CYTIP: variants seen among roughly 807,000 people sequenced by gnomAD.
The protein encoded by CYTIP is cytohesin-interacting protein.
CYTIP carries 26 observed loss-of-function variants against 43.8 expected under a neutral mutation model. That is an observed-to-expected ratio of 0.59 (90% CI 0.44 to 0.82). The LOEUF is 0.82. CYTIP is among the 40% of genes least tolerant of loss of function. The pLI, the probability that CYTIP is intolerant of heterozygous loss-of-function variation, is 0.00. For missense variants in CYTIP, 426 were observed against 443.1 expected, an observed-to-expected ratio of 0.96 and a Z score of 0.35; for synonymous variants, 162 against 162.9, an observed-to-expected ratio of 0.99 and a Z score of 0.04.
intron 6 of CYTIP, among the ~76,000 whole-genome samples, chr2:157,423,738 A>G (rs1685559633): frequency 6.6e-6 from 1 of 152,148 alleles, no homozygotes; most frequent in Admixed American, 6.5e-5. Flanking sequence ...CCTAAATACA[A>G]TATTAGCAAA....
chr2:157,438,257 G>C (rs1431642374), intron 1 of CYTIP, among the ~76,000 whole-genome samples: 1 of 152,200 alleles, frequency 6.6e-6, no homozygotes, highest in Non-Finnish European at 1.5e-5. Flanking sequence ...ATTATGTTAA[G>C]TGAGATAAGC....
At chr2:157,435,290 G>A (rs553339473) in intron 1 of CYTIP, among the ~76,000 whole-genome samples, 5 of 152,112 alleles carry the variant, frequency 3.3e-5, no homozygotes, top group African/African-American at 9.6e-5. Flanking sequence ...AATTCAATAC[G>A]TTACTGTTTT....
intron 1 of CYTIP, among the ~76,000 whole-genome samples, chr2:157,443,123 A>G (rs779657746): frequency 6.6e-6 from 1 of 152,242 alleles, no homozygotes; most frequent in Non-Finnish European, 1.5e-5. Context: ...AAAATGGCAT[A>G]ATCTAGCATT....
intron 6 of CYTIP, among the ~76,000 whole-genome samples, chr2:157,425,722 G>A (rs1685594402): frequency 6.6e-6 from 1 of 151,972 alleles, no homozygotes; most frequent in South Asian, 2.1e-4. Context: ...TCTAAGAAAA[G>A]GTGAAAAAGT....
intron 7 of CYTIP, 97 bp from the exon 8 acceptor site, chr2:157,416,240 G>T: frequency 9.7e-7 from 1 of 1,026,250 alleles, no homozygotes; most frequent in Non-Finnish European, 1.4e-6. Flanking sequence ...ACGAGAAAGA[G>T]TAAGGGTGAA....
At chr2:157,427,570 C>T (rs762116486) in intron 5 of CYTIP, 150 bp from the exon 6 acceptor site, 1 of 489,232 alleles carries the variant, frequency 2.0e-6, no homozygotes, top group Non-Finnish European at 3.4e-6. Flanking sequence ...CATGGCACTT[C>T]GAGTAGCTGG....
intron 7 of CYTIP, among the ~76,000 whole-genome samples, chr2:157,417,876 G>C (rs1455789131): frequency 2.6e-5 from 4 of 152,128 alleles, no homozygotes; most frequent in African/African-American, 9.7e-5. Context: ...TCACACCCAC[G>C]TAGTGGTTTC....
Position 157,415,695 on chromosome 2 carries a change from C to G in CYTIP, c.1062G>C (p.Glu354Asp), listed in dbSNP as rs755238343. 2 of 1,609,556 alleles carry G rather than the reference C, an allele frequency of 1.2e-6. No homozygotes were observed. Among genetic ancestry groups the G allele is most frequent in the South Asian group, 2.2e-5 (2 of 90,664 alleles). Residue 354 changes from glutamate to aspartate, a missense_variant, in exon 8 of 8, where the codon GAG becomes GAC. Physicochemically the swap from Glu to Asp is conservative, Grantham distance 45 (BLOSUM62 2). Transcript: ENST00000264192. ...CAATCCGTCAAAAGCGACTTTCTTC[C>G]TCTTCCACAGCACGATGAAGGCCAG... ...FIPGLHRAVE[E>D]EESRF
At chr2:157,437,677 C>T (rs547348450) in intron 1 of CYTIP, among the ~76,000 whole-genome samples, 43 of 128,718 alleles carry the variant, frequency 3.3e-4, no homozygotes, top group Middle Eastern at 0.011. Context: ...TCCAGCCTGG[C>T]GACAGAGTGA....
intron 3 of CYTIP, among the ~76,000 whole-genome samples, chr2:157,433,727 G>A (rs558610938): frequency 6.6e-6 from 1 of 152,150 alleles, no homozygotes; most frequent in Non-Finnish European, 1.5e-5. Flanking sequence ...AAATTCTTAG[G>A]CAATTATGCT....
chr2:157,417,273 G>A (rs1685452748), intron 7 of CYTIP, among the ~76,000 whole-genome samples: 1 of 152,170 alleles, frequency 6.6e-6, no homozygotes, highest in Non-Finnish European at 1.5e-5. Flanking sequence ...AATAAGTGAT[G>A]AATTTCTTTT....
chr2:157,426,759 A>G (rs2105137635), intron 6 of CYTIP, among the ~76,000 whole-genome samples: 1 of 152,240 alleles, frequency 6.6e-6, no homozygotes, highest in Admixed American at 6.5e-5. Context: ...ATCAGCCCAG[A>G]AAACTGAGAT....
At chr2:157,426,318 A>G (rs1685606790) in intron 6 of CYTIP, among the ~76,000 whole-genome samples, 1 of 152,210 alleles carries the variant, frequency 6.6e-6, no homozygotes. Context: ...TATTTCATAA[A>G]TACAATTCAA....
At chr2:157,424,979 G>A (rs1317916366) in intron 6 of CYTIP, among the ~76,000 whole-genome samples, 1 of 151,846 alleles carries the variant, frequency 6.6e-6, no homozygotes, top group Non-Finnish European at 1.5e-5. Flanking sequence ...TGGAAGAACT[G>A]GTTATTCATA....
chr2:157,427,456 GGAGT>G, intron 5 of CYTIP, 36 bp from the exon 6 acceptor site: 1 of 1,492,508 alleles, frequency 6.7e-7, no homozygotes, highest in Non-Finnish European at 9.1e-7. Flanking sequence ...AGGAAGGTGG[GGAGT>G]GAGTAACATG....
At chr2:157,423,785 A>G (rs1445192310) in intron 6 of CYTIP, among the ~76,000 whole-genome samples, 1 of 152,194 alleles carries the variant, frequency 6.6e-6, no homozygotes, top group Non-Finnish European at 1.5e-5. Flanking sequence ...TATAAATTTC[A>G]AGAATAAGCC....
intron 3 of CYTIP, among the ~76,000 whole-genome samples, chr2:157,431,858 T>C (rs1685718594): frequency 1.3e-5 from 2 of 152,208 alleles, no homozygotes; most frequent in Non-Finnish European, 2.9e-5. Context: ...TCTTTCTTAT[T>C]CAATAATCCC....
chr2:157,425,381 G>C (rs1425239630), intron 6 of CYTIP, among the ~76,000 whole-genome samples: 2 of 152,224 alleles, frequency 1.3e-5, no homozygotes, highest in South Asian at 4.1e-4. Flanking sequence ...AAACGAACAA[G>C]TTGGTGTATT....
At chr2:157,428,592 C>T (rs990849111) in intron 5 of CYTIP, among the ~76,000 whole-genome samples, 1 of 152,188 alleles carries the variant, frequency 6.6e-6, no homozygotes, top group African/African-American at 2.4e-5. Context: ...TCCCATTTTC[C>T]CGGATTTCCA....
Sources: gnomAD v4.1 joint callset for allele counts (sites outside exome capture counted in the v4.1 genomes callset) on GRCh38, gnomAD v4.1.1 for gene constraint, MANE v1.5 for transcripts, NCBI Gene and HGNC (gene_info 2026-07-23, HGNC 2026-07-21) for gene names.